Variants in TNIK observed in about 807,000 individuals in gnomAD.
TNIK encodes the protein TRAF2 and NCK-interacting protein kinase.
In TNIK, 49 loss-of-function variants were observed where a neutral mutation model predicts 191.3. That is an observed-to-expected ratio of 0.26 (90% CI 0.20 to 0.32). The LOEUF (loss-of-function observed/expected upper bound fraction) is 0.32. Ranked by LOEUF, TNIK falls within the 10% of genes least tolerant of loss-of-function variation. The pLI, the probability that TNIK is intolerant of heterozygous loss-of-function variation, is 1.00. For synonymous variants in TNIK, 594 were observed against 600.9 expected (o/e 0.99, Z 0.17); for missense variants, 1,155 against 1,702.3 (o/e 0.68, Z 5.66).
intron 2 of TNIK, among the ~76,000 whole-genome samples, chr3:171,363,642 G>T (rs530222482): frequency 6.6e-6 from 1 of 151,314 alleles, no homozygotes; most frequent in African/African-American, 2.4e-5. Context: ...CCAGGATAAT[G>T]TTATAGAATC....
intron 23 of TNIK, among the ~76,000 whole-genome samples, chr3:171,088,280 G>T (rs144901342): frequency 0.03 from 4,554 of 150,854 alleles, 115 homozygotes; most frequent in Non-Finnish European, 0.04. Context: ...TGTTGCCCAG[G>T]CTGGAGTGCA....
chr3:171,452,315 A>G (rs77618472), intron 1 of TNIK, among the ~76,000 whole-genome samples: 3,247 of 152,282 alleles, frequency 0.021, 119 homozygotes, highest in African/African-American at 0.074. Flanking sequence ...TGGTATCTCC[A>G]ACAGATAGAA....
chr3:171,184,645 T>C (rs866181050), intron 7 of TNIK, among the ~76,000 whole-genome samples: 8 of 152,204 alleles, frequency 5.3e-5, no homozygotes, highest in African/African-American at 1.9e-4. Context: ...TTTGAGAGTG[T>C]AAATGCATCA....
intron 1 of TNIK, among the ~76,000 whole-genome samples, chr3:171,424,850 G>C (rs1171175623): frequency 2.5e-5 from 3 of 122,022 alleles, no homozygotes; most frequent in Non-Finnish European, 5.1e-5. Context: ...GGGGGAGGGG[G>C]GAGGGATAGC....
chr3:171,197,386 TAAAAA>T (rs528483576), intron 4 of TNIK, among the ~76,000 whole-genome samples: 1 of 142,736 alleles, frequency 7.0e-6, no homozygotes, highest in African/African-American at 2.6e-5. Flanking sequence ...AGCACCAAAA[TAAAAA>T]AAAAAGAAAA....
At chr3:171,448,484 T>C (rs1727781223) in intron 1 of TNIK, among the ~76,000 whole-genome samples, 1 of 152,190 alleles carries the variant, frequency 6.6e-6, no homozygotes, top group African/African-American at 2.4e-5. Flanking sequence ...AAGGATATAC[T>C]ATGCTACATT....
intron 2 of TNIK, among the ~76,000 whole-genome samples, chr3:171,288,721 T>A (rs547442525): frequency 6.6e-6 from 1 of 151,164 alleles, no homozygotes; most frequent in South Asian, 2.1e-4. Context: ...GGCAGGAGAA[T>A]TACTTGAACG....
chr3:171,235,110 C>T lies in TNIK; in HGVS notation c.124-6889G>A, dbSNP rs543028440. ...AGGCTGGAGTACAGTGGCGCTGTCT[C>T]GGCCCACTGCAATCTCCACCTCCTG... On this transcript the variant is annotated intron_variant, in intron 2 of 32. Transcript: ENST00000436636. 7.4e-4 allele frequency among the ~76,000 whole-genome samples: 112 copies of T among 152,282 alleles called. 1 individual carries two copies. The highest frequency in any genetic ancestry group is 2.6e-3 in the African/African-American group (109 of 41,558).
rs2291901 is a variant in TNIK, at chr3:171,107,326, G to A, written c.2383-120C>T. ...ACGCAACTGATAAATACAAAAGGGC[G>A]AAGAGAATGTCAATCCAGAATGATG... On this transcript the variant is annotated intron_variant, in intron 20 of 32. Coordinates refer to ENST00000436636, the MANE Select transcript of TNIK (RefSeq NM_015028.4). 3,711 of 839,366 alleles carry A rather than the reference G, an allele frequency of 4.4e-3. 123 individuals are homozygous for A. The Admixed American group carries it at 0.065, about 15-fold the overall frequency. 52.0% of individuals were successfully genotyped at this position (839,366 alleles called of 1,614,324 possible).
chr3:171,400,398 C>T (rs1720774297), intron 1 of TNIK, among the ~76,000 whole-genome samples: 1 of 152,004 alleles, frequency 6.6e-6, no homozygotes, highest in Admixed American at 6.6e-5. Flanking sequence ...GACCTCATCT[C>T]TACAAAAAAT....
At chr3:171,161,684 T>A (rs1423080980) in intron 10 of TNIK, among the ~76,000 whole-genome samples, 1 of 151,518 alleles carries the variant, frequency 6.6e-6, no homozygotes, top group Non-Finnish European at 1.5e-5. Flanking sequence ...TTTGGGAGGC[T>A]GAGGCGGGCG....
intron 21 of TNIK, chr3:171,101,986 T>C (rs1723648102): frequency 6.0e-6 from 1 of 166,516 alleles, no homozygotes; most frequent in African/African-American, 2.4e-5. Flanking sequence ...GGAAAATATG[T>C]GGGATTAGAA....
At chr3:171,289,744 A>G (rs1211861969) in intron 2 of TNIK, among the ~76,000 whole-genome samples, 1 of 152,012 alleles carries the variant, frequency 6.6e-6, no homozygotes, top group African/African-American at 2.4e-5. Flanking sequence ...TCTACTAAAA[A>G]TATGAAAATT....
At chr3:171,150,242 T>G (rs1180919401) in intron 12 of TNIK, among the ~76,000 whole-genome samples, 4 of 152,194 alleles carry the variant, frequency 2.6e-5, no homozygotes, top group African/African-American at 9.6e-5. Flanking sequence ...CTTATTCAGG[T>G]GTTTACTCAG....
intron 2 of TNIK, among the ~76,000 whole-genome samples, chr3:171,288,572 G>T (rs573701889): frequency 1.6e-4 from 25 of 151,886 alleles, no homozygotes; most frequent in Admixed American, 1.6e-3. Flanking sequence ...ATTTTGGGAG[G>T]CTGGGGAGGG....
In TNIK at chr3:171,128,884, A is replaced by AC. The variant is rs778889799; in HGVS notation, c.1609-7dup. 45 of 1,425,512 alleles carry AC rather than the reference A, an allele frequency of 3.2e-5. No individual in the cohort carries two copies. The African/African-American group carries it at 5.8e-4, about 18-fold the overall frequency. The allele number at this position is 1,425,512 out of a possible 1,614,324, so 88.3% of individuals were successfully genotyped here. On this transcript the variant is annotated splice_polypyrimidine_tract_variant and splice_region_variant and intron_variant, in intron 15 of 32. Coordinates refer to ENST00000436636, the MANE Select transcript of TNIK (RefSeq NM_015028.4). The stretch of plus-strand genomic sequence containing the variant: ...AGCCTTGACCGTTCTTCTACCTACA[A>AC]CCCAAAAAAAAAAAAAAAAAAAAGA...
At chr3:171,314,016 T>C (rs2108309761) in intron 2 of TNIK, among the ~76,000 whole-genome samples, 1 of 152,164 alleles carries the variant, frequency 6.6e-6, no homozygotes, top group East Asian at 1.9e-4. Context: ...AAACATTCTA[T>C]CCTGAATATT....
intron 3 of TNIK, among the ~76,000 whole-genome samples, chr3:171,218,169 G>C (rs1017350928): frequency 8.5e-5 from 13 of 152,122 alleles, no homozygotes; most frequent in Non-Finnish European, 5.9e-5. Flanking sequence ...AATATGTCCA[G>C]GGTCAGAGAG....
rs74359766 is a variant in TNIK, at chr3:171,368,499, A to G, written c.123+1121T>C. ...TCAACGTCAAGTGAGCAGGTTGGGT[A>G]GACTACATTCTGTCTAATGGTAAAA... On this transcript the variant is annotated intron_variant, in intron 2 of 32. Transcript: ENST00000436636. Among the ~76,000 whole-genome samples the G allele has an allele frequency of 1.4e-3, 214 of 152,344 alleles. 2 individuals carry two copies. Among genetic ancestry groups the G allele is most frequent in the African/African-American group, 5.0e-3 (210 of 41,586 alleles).
Sources: allele counts gnomAD v4.1 joint callset (sites outside exome capture counted in the v4.1 genomes callset), GRCh38; gene constraint gnomAD v4.1.1; transcripts MANE v1.5; gene names NCBI Gene and HGNC (gene_info 2026-07-23, HGNC 2026-07-21).